PANX1: variants seen among roughly 807,000 people sequenced by gnomAD.
PANX1 encodes pannexin 1, also known as pannexin-1.
PANX1 carries 30 observed loss-of-function variants against 38.7 expected under a neutral mutation model. That is an observed-to-expected ratio of 0.78 (90% CI 0.58 to 1.05). The LOEUF (loss-of-function observed/expected upper bound fraction) is 1.05, where lower values mean the gene tolerates loss of function less well. PANX1 is among the 50% of genes least tolerant of loss of function. The probability of loss-of-function intolerance (pLI) is 0.00; values close to 1 mark genes in which losing one functional copy is unlikely to be tolerated. For synonymous variants in PANX1, 230 were observed against 212.2 expected (o/e 1.08, Z -0.73); for missense variants, 551 against 517.2 (o/e 1.07, Z -0.63).
At chr11:94,180,502 C>G (rs1269260117) in intron 4 of PANX1, among the ~76,000 whole-genome samples, 1 of 152,074 alleles carries the variant, frequency 6.6e-6, no homozygotes, top group Non-Finnish European at 1.5e-5. Context: ...TGGTTTTTCC[C>G]TCTTCTCTGT....
intron 2 of PANX1, among the ~76,000 whole-genome samples, chr11:94,160,692 G>A (rs1947017080): frequency 2.0e-5 from 3 of 152,176 alleles, no homozygotes; most frequent in African/African-American, 2.4e-5. Flanking sequence ...TTGCCAGTCT[G>A]TGTCTTTTAA....
chr11:94,179,039 T>C (rs1001874537), intron 3 of PANX1, among the ~76,000 whole-genome samples: 1 of 152,176 alleles, frequency 6.6e-6, no homozygotes, highest in Non-Finnish European at 1.5e-5. Context: ...TTCTTGTTAT[T>C]GAATAATTGG....
At chr11:94,179,251 AC>A (rs1947274126) in intron 3 of PANX1, among the ~76,000 whole-genome samples, 1 of 152,040 alleles carries the variant, frequency 6.6e-6, no homozygotes, top group African/African-American at 2.4e-5. Flanking sequence ...TGCCCTTTAG[AC>A]CCCATAGTTT....
In PANX1 at chr11:94,181,444, C is replaced by T. The variant is rs1007347406; in HGVS notation, c.*575C>T. 4 of 152,688 alleles carry T rather than the reference C, an allele frequency of 2.6e-5. No homozygotes were observed. Among genetic ancestry groups the T allele is most frequent in the African/African-American group, 9.6e-5 (4 of 41,460 alleles). The allele number at this position is 152,688 out of a possible 1,614,324, so 9.5% of individuals were successfully genotyped here. On this transcript the variant is annotated 3_prime_UTR_variant, in exon 5 of 5. Coordinates refer to ENST00000227638, the MANE Select transcript of PANX1 (RefSeq NM_015368.4). The stretch of plus-strand genomic sequence containing the variant: ...CTCTCTTTACATTGTTAGTTGTCAA[C>T]CTTGGCTGATGGAAATCCCGTAACC...
chr11:94,180,661 C>T (rs1258325775), intron 4 of PANX1, 129 bp from the exon 5 acceptor site: 3 of 587,458 alleles, frequency 5.1e-6, no homozygotes, highest in Non-Finnish European at 9.1e-6. Flanking sequence ...TTTATTGATT[C>T]TTTTAGTTAG....
At chr11:94,173,944 G>C (rs1947199576) in intron 2 of PANX1, among the ~76,000 whole-genome samples, 1 of 151,556 alleles carries the variant, frequency 6.6e-6, no homozygotes, top group Non-Finnish European at 1.5e-5. Context: ...TGCCAGAATT[G>C]GCTCCTTTTG....
chr11:94,155,619 A>G (rs1401585687), intron 2 of PANX1, among the ~76,000 whole-genome samples: 1 of 152,200 alleles, frequency 6.6e-6, no homozygotes, highest in African/African-American at 2.4e-5. Context: ...AAAGGTCTTC[A>G]TCCTCGTTGT....
chr11:94,169,294 A>G (rs958804290), intron 2 of PANX1, among the ~76,000 whole-genome samples: 2 of 151,496 alleles, frequency 1.3e-5, no homozygotes, highest in Non-Finnish European at 2.9e-5. Context: ...TGATGAGGAA[A>G]GTTAAACAGT....
intron 1 of PANX1, among the ~76,000 whole-genome samples, chr11:94,141,035 T>C (rs184793042): frequency 2.0e-5 from 3 of 152,274 alleles, no homozygotes; most frequent in African/African-American, 7.2e-5. Flanking sequence ...CATACACTCA[T>C]GAGAGAACGA....
intron 2 of PANX1, among the ~76,000 whole-genome samples, chr11:94,172,090 A>G (rs189710136): frequency 1.3e-5 from 2 of 151,780 alleles, no homozygotes; most frequent in African/African-American, 4.9e-5. Context: ...ACTCATAGAA[A>G]CTTGGTTGGA....
At chr11:94,146,191 A>G (rs1565375102) in intron 1 of PANX1, among the ~76,000 whole-genome samples, 1 of 152,240 alleles carries the variant, frequency 6.6e-6, no homozygotes, top group Admixed American at 6.5e-5. Context: ...GTTTGATAGG[A>G]ACCATTTGAA....
rs1487688170 is a variant in PANX1, at chr11:94,175,509, A to G, written c.322-2860A>G. Among the ~76,000 whole-genome samples the G allele has an allele frequency of 2.0e-5, 3 of 151,900 alleles. 1 individual carries two copies. The highest frequency in any genetic ancestry group is 7.3e-5 in the African/African-American group (3 of 41,184). On this transcript the variant is annotated intron_variant, in intron 2 of 4. Coordinates refer to ENST00000227638, the MANE Select transcript of PANX1 (RefSeq NM_015368.4). ...CTGTAAATAGTCACTTTTTAATTCA[A>G]GGGAACAGTTCGAAGTGAAATGCCA...
At chr11:94,151,880 C>T (rs1288581673) in intron 1 of PANX1, among the ~76,000 whole-genome samples, 1 of 152,164 alleles carries the variant, frequency 6.6e-6, no homozygotes, top group Non-Finnish European at 1.5e-5. Context: ...CTGACAAGTC[C>T]TTTCTTGATG....
Position 94,180,000 on chromosome 11 carries a change from T to C in PANX1, c.944T>C (p.Phe315Ser), listed in dbSNP as rs1359389092. The C allele has an allele frequency of 1.9e-6, 3 of 1,596,020 alleles. No individual in the cohort carries two copies. Among genetic ancestry groups the C allele is most frequent in the Non-Finnish European group, 2.6e-6 (3 of 1,168,184 alleles). ...AAAGTGTACGAAATCCTCCCCACTT[T>C]TGATGTTCTGCATTTCAAATCTGAA... ...VLKVYEILPT[F>S]DVLHFKSEGY... Residue 315 changes from phenylalanine (F) to serine (S), a missense_variant, in exon 4 of 5, where the codon TTT (phenylalanine) becomes TCT (serine). Phe to Ser is a radical substitution (Grantham distance 155, BLOSUM62 -2). Transcript: ENST00000227638.
intron 2 of PANX1, among the ~76,000 whole-genome samples, chr11:94,154,532 A>G (rs544309660): frequency 9.2e-5 from 14 of 152,328 alleles, no homozygotes; most frequent in African/African-American, 3.4e-4. Flanking sequence ...ATAGAATTTT[A>G]GCTTTCGAAA....
intron 1 of PANX1, among the ~76,000 whole-genome samples, chr11:94,131,036 C>T (rs1212160931): frequency 6.6e-6 from 1 of 152,206 alleles, no homozygotes; most frequent in Non-Finnish European, 1.5e-5. Context: ...AAAGCAAAAC[C>T]ACCAAGTAGC....
intron 1 of PANX1, among the ~76,000 whole-genome samples, chr11:94,134,104 G>A (rs1057326979): frequency 6.6e-6 from 1 of 152,208 alleles, no homozygotes; most frequent in Admixed American, 6.5e-5. Flanking sequence ...GTTATATTGC[G>A]TGTGCCTCAG....
intron 2 of PANX1, among the ~76,000 whole-genome samples, 180 bp from the exon 3 acceptor site, chr11:94,178,189 C>T (rs1018096120): frequency 6.6e-6 from 1 of 152,064 alleles, no homozygotes; most frequent in Non-Finnish European, 1.5e-5. Context: ...AGGTAGTTAC[C>T]TGTGACAGGT....
At chr11:94,134,588 C>A (rs560989957) in intron 1 of PANX1, among the ~76,000 whole-genome samples, 2 of 152,078 alleles carry the variant, frequency 1.3e-5, no homozygotes, top group Non-Finnish European at 2.9e-5. Flanking sequence ...GAGAGTGGGA[C>A]CTTCATGATG....
Sources: allele counts gnomAD v4.1 joint callset (sites outside exome capture counted in the v4.1 genomes callset), GRCh38; gene constraint gnomAD v4.1.1; transcripts MANE v1.5; gene names NCBI Gene and HGNC (gene_info 2026-07-23, HGNC 2026-07-21).